The following GTF2F2 variants were observed in gnomAD, a reference collection of about 807,000 sequenced individuals.
GTF2F2 encodes ATP-dependent helicase GTF2F2.
GTF2F2 carries 23 observed loss-of-function variants against 42.2 expected under a neutral mutation model. The ratio of observed to expected loss-of-function variants is 0.55; its 90% CI spans 0.39 to 0.77. GTF2F2 has a LOEUF of 0.77. Ranked by LOEUF, GTF2F2 falls within the 30% of genes least tolerant of loss-of-function variation. The probability of loss-of-function intolerance (pLI) is 0.00; values close to 1 mark genes in which losing one functional copy is unlikely to be tolerated. For synonymous variants in GTF2F2, 105 were observed against 100.8 expected (o/e 1.04, Z -0.25); for missense variants, 261 against 287.2 (o/e 0.91, Z 0.66).
chr13:45,122,291 T>C (rs965983771), intron 1 of GTF2F2, among the ~76,000 whole-genome samples: 1 of 151,724 alleles, frequency 6.6e-6, no homozygotes, highest in East Asian at 1.9e-4. Flanking sequence ...TGTTTGGCAG[T>C]GTGCAGTACG....
At chr13:45,193,542 T>TTATTTACAGTATA (rs1199483893) in intron 4 of GTF2F2, 5 of 384,734 alleles carry the variant, frequency 1.3e-5, no homozygotes, top group African/African-American at 1.0e-4. Flanking sequence ...CTTTCAGTCT[T>TTATTTACAGTATA]TATTTACAGT....
intron 4 of GTF2F2, chr13:45,194,589 C>T (rs753181440): frequency 2.5e-6 from 4 of 1,590,240 alleles, no homozygotes; most frequent in South Asian, 1.1e-5. Flanking sequence ...GCTATTTCAG[C>T]TTGTTCTTCT....
intron 7 of GTF2F2, among the ~76,000 whole-genome samples, chr13:45,273,213 A>C (rs1347160936): frequency 6.6e-6 from 1 of 151,878 alleles, no homozygotes; most frequent in Non-Finnish European, 1.5e-5. Flanking sequence ...GGTGTGAGCC[A>C]CCGTGCCCAG....
chr13:45,191,790 A>C (rs1477455236), intron 4 of GTF2F2, among the ~76,000 whole-genome samples: 1 of 152,186 alleles, frequency 6.6e-6, no homozygotes, highest in South Asian at 2.1e-4. Context: ...TCCAGATACA[A>C]GTTCTAAAAG....
intron 4 of GTF2F2, among the ~76,000 whole-genome samples, chr13:45,185,250 T>C (rs1022822315): frequency 1.3e-5 from 2 of 152,140 alleles, no homozygotes; most frequent in Admixed American, 6.5e-5. Flanking sequence ...CTGCCTGATA[T>C]CCAGATAATC....
At chr13:45,131,929 AG>A (rs1207939846) in intron 1 of GTF2F2, among the ~76,000 whole-genome samples, 44 of 147,020 alleles carry the variant, frequency 3.0e-4, no homozygotes, top group African/African-American at 1.1e-3. Flanking sequence ...AAAGAGAGAG[AG>A]AGAAAAGGTA....
At chr13:45,170,187 C>G (rs1380151518) in intron 4 of GTF2F2, among the ~76,000 whole-genome samples, 2 of 152,148 alleles carry the variant, frequency 1.3e-5, no homozygotes, top group African/African-American at 2.4e-5. Context: ...CCACACCCAG[C>G]TAATTTTTTA....
chr13:45,282,158 A>G (rs1877295221), intron 7 of GTF2F2, among the ~76,000 whole-genome samples: 1 of 152,110 alleles, frequency 6.6e-6, no homozygotes, highest in Non-Finnish European at 1.5e-5. Context: ...AGATCATGCC[A>G]CTGCACTCCA....
At chr13:45,164,383 AT>A (rs1359162537) in intron 4 of GTF2F2, among the ~76,000 whole-genome samples, 1 of 152,148 alleles carries the variant, frequency 6.6e-6, no homozygotes, top group African/African-American at 2.4e-5. Flanking sequence ...AAACTGACCT[AT>A]TTTTTTAAAA....
chr13:45,250,215 C>T (rs1198046157), intron 5 of GTF2F2, among the ~76,000 whole-genome samples: 2 of 151,922 alleles, frequency 1.3e-5, no homozygotes, highest in African/African-American at 4.8e-5. Flanking sequence ...CTACCATGCC[C>T]AGTTCATTTT....
intron 5 of GTF2F2, among the ~76,000 whole-genome samples, chr13:45,250,755 C>T (rs1048845384): frequency 3.9e-5 from 6 of 152,108 alleles, no homozygotes; most frequent in African/African-American, 1.2e-4. Flanking sequence ...TGCTGCACCC[C>T]GAGAATAGTA....
chr13:45,192,512 T>A (rs1256291216), intron 4 of GTF2F2, among the ~76,000 whole-genome samples: 1 of 152,180 alleles, frequency 6.6e-6, no homozygotes, highest in East Asian at 1.9e-4. Flanking sequence ...AATTAAGATT[T>A]AGTTACCAGA....
At chr13:45,260,524 TAAA>T (rs1473525126) in intron 6 of GTF2F2, among the ~76,000 whole-genome samples, 1 of 152,216 alleles carries the variant, frequency 6.6e-6, no homozygotes, top group African/African-American at 2.4e-5. Context: ...CTTCAAAAGT[TAAA>T]AGGCTTTACA....
intron 7 of GTF2F2, among the ~76,000 whole-genome samples, chr13:45,283,234 G>A (rs954926048): frequency 6.6e-6 from 1 of 152,026 alleles, no homozygotes; most frequent in Admixed American, 6.6e-5. Flanking sequence ...CTCCTTTAAT[G>A]CACATGATCA....
chr13:45,222,528 T>G (rs1005907968), intron 5 of GTF2F2, among the ~76,000 whole-genome samples: 2 of 152,210 alleles, frequency 1.3e-5, no homozygotes. Context: ...TAAATGTACT[T>G]TAGCTTGGAT....
At chr13:45,279,425 T>C (rs1255556808) in intron 7 of GTF2F2, among the ~76,000 whole-genome samples, 2 of 152,232 alleles carry the variant, frequency 1.3e-5, no homozygotes, top group Admixed American at 6.5e-5. Context: ...AAACTTTGTT[T>C]CTCAAACTAG....
chr13:45,155,990 G>T (rs114540179), intron 4 of GTF2F2, among the ~76,000 whole-genome samples: 1,815 of 150,374 alleles, frequency 0.012, 31 homozygotes, highest in African/African-American at 0.037. Context: ...TTTTTTTTTA[G>T]AGGCAGTGTC....
At chr13:45,156,804 G>A (rs1030067136) in intron 4 of GTF2F2, among the ~76,000 whole-genome samples, 1 of 152,150 alleles carries the variant, frequency 6.6e-6, no homozygotes, top group African/African-American at 2.4e-5. Context: ...AGCTGATAAC[G>A]CAGTGACTTT....
intron 6 of GTF2F2, among the ~76,000 whole-genome samples, chr13:45,257,067 G>A (rs1876134057): frequency 6.6e-6 from 1 of 152,088 alleles, no homozygotes; most frequent in Non-Finnish European, 1.5e-5. Flanking sequence ...GCAAATAGAT[G>A]AATTTACCTG....
Sources: gnomAD v4.1 joint callset for allele counts (sites outside exome capture counted in the v4.1 genomes callset) on GRCh38, gnomAD v4.1.1 for gene constraint, MANE v1.5 for transcripts, NCBI Gene and HGNC (gene_info 2026-07-23, HGNC 2026-07-21) for gene names.